The following C1orf185 variants were observed in gnomAD, a reference collection of about 807,000 sequenced individuals.
The protein encoded by C1orf185 is uncharacterized protein C1orf185.
C1orf185 carries 13 observed loss-of-function variants against 16.1 expected under a neutral mutation model. That is an observed-to-expected ratio of 0.81 (90% CI 0.53 to 1.28). The LOEUF (loss-of-function observed/expected upper bound fraction) is 1.28. Among genes scored for constraint, C1orf185 ranks in the 50% most tolerant of loss-of-function variants. The pLI, the probability that C1orf185 is intolerant of heterozygous loss-of-function variation, is 0.00. For synonymous variants in C1orf185, 80 were observed against 76.9 expected, an observed-to-expected ratio of 1.04 and a Z score of -0.21; for missense variants, 220 against 225.2, an observed-to-expected ratio of 0.98 and a Z score of 0.15.
In C1orf185 at chr1:51,128,410, A is replaced by AATGGCATTTAAATGTGCTTTTAG. The variant is rs142355453; in HGVS notation, c.258+9609_258+9610insATGGCATTTAAATGTGCTTTTAG. Among the ~76,000 whole-genome samples the AATGGCATTTAAATGTGCTTTTAG allele has an allele frequency of 9.9e-4, 150 of 152,084 alleles. 1 individual carries two copies. The highest frequency in any genetic ancestry group is 3.4e-3 in the African/African-American group (143 of 41,460). ...ATTTTAGCTATTTTAGTGGGTGTAA[A>AATGGCATTTAAATGTGCTTTTAG]GCCAGGCACAGTGGCTCACTCCTGT... is the stretch of plus-strand genomic sequence containing the variant. On this transcript the variant is annotated intron_variant, in intron 3 of 4. Transcript: ENST00000371759.
chr1:51,113,412 C>T (rs1045732064), intron 2 of C1orf185, among the ~76,000 whole-genome samples: 3 of 151,542 alleles, frequency 2.0e-5, no homozygotes, highest in African/African-American at 4.9e-5. Context: ...GGCCGGGTGC[C>T]GTGGCTCACA....
At chr1:51,103,204 A>C (rs534178910) in intron 1 of C1orf185, among the ~76,000 whole-genome samples, 140 of 152,056 alleles carry the variant, frequency 9.2e-4, no homozygotes, top group Non-Finnish European at 1.2e-3. Flanking sequence ...CCAGGAGCTC[A>C]AGACGAACCT....
intron 3 of C1orf185, among the ~76,000 whole-genome samples, chr1:51,120,966 C>A (rs1040245079): frequency 8.5e-5 from 13 of 152,074 alleles, no homozygotes; most frequent in Admixed American, 5.2e-4. Flanking sequence ...ATTCAGGATT[C>A]TTTTATTTAT....
chr1:51,135,471 G>A (rs535650119), intron 3 of C1orf185, among the ~76,000 whole-genome samples: 11 of 151,628 alleles, frequency 7.3e-5, no homozygotes, highest in South Asian at 2.1e-4. Context: ...CCCGGAAGGC[G>A]GAGGTTGCAG....
intron 3 of C1orf185, among the ~76,000 whole-genome samples, chr1:51,128,657 C>T (rs918805441): frequency 2.6e-5 from 4 of 151,940 alleles, no homozygotes; most frequent in East Asian, 3.9e-4. Context: ...TGTGCCACTG[C>T]GCTCCAGCCT....
chr1:51,104,007 A>C (rs924840000), intron 1 of C1orf185, among the ~76,000 whole-genome samples: 3 of 152,192 alleles, frequency 2.0e-5, no homozygotes, highest in Non-Finnish European at 4.4e-5. Context: ...GCAGACACCA[A>C]CTATAAATAA....
intron 2 of C1orf185, among the ~76,000 whole-genome samples, chr1:51,114,230 A>C (rs1646142391): frequency 6.6e-6 from 1 of 152,242 alleles, no homozygotes; most frequent in Non-Finnish European, 1.5e-5. Flanking sequence ...TAAGAGCCAG[A>C]TCACTTAAGA....
intron 3 of C1orf185, among the ~76,000 whole-genome samples, chr1:51,137,188 G>A (rs1230795397): frequency 6.6e-6 from 1 of 152,100 alleles, no homozygotes; most frequent in Non-Finnish European, 1.5e-5. Context: ...TGAGAGAAAT[G>A]CAAATCAAAA....
At chr1:51,113,141 T>A (rs1390367686) in intron 2 of C1orf185, among the ~76,000 whole-genome samples, 1 of 151,714 alleles carries the variant, frequency 6.6e-6, no homozygotes, top group East Asian at 1.9e-4. Context: ...AAGACATAGG[T>A]TTGATTGTAA....
At chr1:51,129,339 T>C (rs1416150378) in intron 3 of C1orf185, among the ~76,000 whole-genome samples, 3 of 152,144 alleles carry the variant, frequency 2.0e-5, no homozygotes, top group Admixed American at 6.6e-5. Flanking sequence ...CCTCCCTCCC[T>C]TTCCCTAGCT....
chr1:51,124,614 T>C (rs1050138368), intron 3 of C1orf185, among the ~76,000 whole-genome samples: 1 of 152,186 alleles, frequency 6.6e-6, no homozygotes, highest in African/African-American at 2.4e-5. Flanking sequence ...TAAACCCACA[T>C]TCAATTACAT....
At chr1:51,113,187 A>G (rs1464236626) in intron 2 of C1orf185, among the ~76,000 whole-genome samples, 1 of 151,946 alleles carries the variant, frequency 6.6e-6, no homozygotes, top group Non-Finnish European at 1.5e-5. Context: ...TTGACTCCCA[A>G]TTTTAGAGAT....
intron 2 of C1orf185, among the ~76,000 whole-genome samples, chr1:51,115,929 T>C (rs1402853564): frequency 3.3e-5 from 5 of 152,166 alleles, no homozygotes; most frequent in Admixed American, 3.3e-4. Context: ...TGCTGATGCA[T>C]AACTTTTTGC....
At chr1:51,107,964 A>T (rs1401139707) in intron 1 of C1orf185, among the ~76,000 whole-genome samples, 1 of 152,208 alleles carries the variant, frequency 6.6e-6, no homozygotes, top group African/African-American at 2.4e-5. Context: ...ATTTTAGTAC[A>T]TGTTTTTGTG....
At chr1:51,150,654 G>C (rs529488006), downstream of C1orf185, among the ~76,000 whole-genome samples, 1 of 152,234 alleles carries the variant, frequency 6.6e-6, no homozygotes, top group South Asian at 2.1e-4. Flanking sequence ...AACTATAAAG[G>C]ATCTGAGATT....
chr1:51,116,317 T>C (rs1253708602), intron 2 of C1orf185, among the ~76,000 whole-genome samples: 2 of 146,582 alleles, frequency 1.4e-5, no homozygotes, highest in African/African-American at 5.0e-5. Context: ...ACCCTACCCT[T>C]TTTTTTTTTT....
At chr1:51,138,165 C>T (rs926812336) in intron 3 of C1orf185, among the ~76,000 whole-genome samples, 2 of 152,010 alleles carry the variant, frequency 1.3e-5, no homozygotes, top group Non-Finnish European at 2.9e-5. Flanking sequence ...CACAGGTTTA[C>T]CTGTGTAACA....
At chr1:51,135,770 C>T (rs1354684262) in intron 3 of C1orf185, among the ~76,000 whole-genome samples, 2 of 152,106 alleles carry the variant, frequency 1.3e-5, no homozygotes, top group Admixed American at 6.5e-5. Context: ...CCTCTCTCAC[C>T]ACTCCTATTC....
chr1:51,124,987 G>A (rs1038243564), intron 3 of C1orf185, among the ~76,000 whole-genome samples: 2 of 152,172 alleles, frequency 1.3e-5, no homozygotes, highest in Non-Finnish European at 1.5e-5. Context: ...CCCATCTTCT[G>A]TAACTGCTTC....
Sources: allele counts gnomAD v4.1 joint callset (sites outside exome capture counted in the v4.1 genomes callset), GRCh38; gene constraint gnomAD v4.1.1; transcripts MANE v1.5; gene names NCBI Gene and HGNC (gene_info 2026-07-23, HGNC 2026-07-21).